ZNF394: variants seen among roughly 807,000 people sequenced by gnomAD.
ZNF394 encodes zinc finger protein 99.
In ZNF394, 19 loss-of-function variants were observed where a neutral mutation model predicts 21.8. That is an observed-to-expected ratio of 0.87 (90% CI 0.61 to 1.28). The LOEUF (loss-of-function observed/expected upper bound fraction) is 1.28, where lower values mean the gene tolerates loss of function less well. Ranked by LOEUF, ZNF394 falls within the 50% of genes most tolerant of loss-of-function variation. The probability of loss-of-function intolerance (pLI) is 0.00; values close to 1 mark genes in which losing one functional copy is unlikely to be tolerated. For synonymous variants in ZNF394, 294 were observed against 273.3 expected (o/e 1.08, Z -0.75); for missense variants, 683 against 708.6 (o/e 0.96, Z 0.41).
At chr7:99,496,035 C>T (rs904372034) in intron 2 of ZNF394, among the ~76,000 whole-genome samples, 4 of 152,222 alleles carry the variant, frequency 2.6e-5, no homozygotes, top group Non-Finnish European at 4.4e-5. Flanking sequence ...GATTCTCCTG[C>T]CTCAGCCTTC....
rs1490895011 is a variant in ZNF394 at position 99,493,688 on chromosome 7, ACT to A, written c.1525_1526del (p.Ser509CysfsTer5). ...TTCTCTGGTGTTTAATGAGGGTTGC[ACT>A]CTGATTGAAGCGTTTCCCACAGACG... ...CSVCGKRFNQ[S>X]ATLIKHQRIH... On this transcript the variant is annotated frameshift_variant, in exon 3 of 3. Transcript: ENST00000337673. LOFTEE classifies it low-confidence loss of function (END_TRUNC). 6.2e-7 allele frequency: 1 copy of A among 1,614,148 alleles called. No individual in the cohort carries two copies. Among genetic ancestry groups the A allele is most frequent in the Non-Finnish European group, 8.5e-7 (1 of 1,180,022 alleles).
downstream of ZNF394, among the ~76,000 whole-genome samples, chr7:99,492,968 G>A (rs1284464175): frequency 6.6e-6 from 1 of 152,052 alleles, no homozygotes; most frequent in Non-Finnish European, 1.5e-5. Flanking sequence ...AATACATAAA[G>A]GTAGAGCGCA....
chr7:99,494,594 T>C lies in ZNF394; in HGVS notation c.621A>G (p.Pro207=). The C allele has an allele frequency of 6.2e-7, 1 of 1,603,098 alleles. No individual in the cohort carries two copies. Among genetic ancestry groups the C allele is most frequent in the Non-Finnish European group, 8.5e-7 (1 of 1,176,692 alleles). ...CCGCTTCTTCTAAAATTTGTTGCATTGGAATCAACTCTTTGTTCTCCACTC... is the reference window on the plus strand; with the variant it reads ...CCGCTTCTTCTAAAATTTGTTGCATCGGAATCAACTCTTTGTTCTCCACTC... The part of the protein sequence containing the change: ...ESRVENKELI[P]MQQILEEAEP... Residue 207 remains proline, a synonymous_variant, in exon 3 of 3, where the codon CCA becomes CCG. Coordinates refer to ENST00000337673, the MANE Select transcript of ZNF394 (RefSeq NM_032164.4).
At chr7:99,487,400 A>G in intron 1 of ZNF394, 3 of 1,614,232 alleles carry the variant, frequency 1.9e-6, no homozygotes, top group Non-Finnish European at 2.5e-6. Flanking sequence ...AGCCAACCCT[A>G]CCAATGTGTC....
Position 99,499,703 on chromosome 7 carries a change from T to C in ZNF394, c.391A>G (p.Ser131Gly). 6.2e-7 allele frequency: 1 copy of C among 1,613,336 alleles called. No homozygotes were observed. Among genetic ancestry groups the C allele is most frequent in the Non-Finnish European group, 8.5e-7 (1 of 1,179,946 alleles). Residue 131 changes from serine to glycine, a missense_variant, in exon 1 of 3, where the codon AGC becomes GGC. Ser to Gly is a moderately conservative substitution (Grantham distance 56). Around this residue, in one of 3 missense-constraint regions of ZNF394, gnomAD observed 402 missense variants for 373.8 expected, o/e 1.08. Transcript: ENST00000337673. Reference protein sequence around the residue: ...QAWVREHCPESGEEAVAVVRA... With the variant: ...QAWVREHCPEGGEEAVAVVRA... ...ACCACGGCCACCGCCTCCTCCCCGC[T>C]CTCTGGGCAGTGCTCTCGCACCCAG...
intron 2 of ZNF394, among the ~76,000 whole-genome samples, chr7:99,496,741 A>C (rs897356096): frequency 6.8e-6 from 1 of 146,214 alleles, no homozygotes; most frequent in African/African-American, 2.5e-5. Context: ...TTTTTTATTA[A>C]TTTTTTTTTT....
intron 1 of ZNF394, 148 bp from the exon 2 acceptor site, chr7:99,498,990 C>A: frequency 8.6e-7 from 1 of 1,161,904 alleles, no homozygotes; most frequent in Non-Finnish European, 1.2e-6. Flanking sequence ...TTTCTGTGGA[C>A]TATTTACACT....
chr7:99,497,120 G>GTATATATATATATA (rs1479965665), intron 2 of ZNF394, among the ~76,000 whole-genome samples: 40 of 91,344 alleles, frequency 4.4e-4, no homozygotes, highest in African/African-American at 1.6e-3. Context: ...GTGTGTGTGT[G>GTATATATATATATA]TGTATATATA....
Position 99,499,895 on chromosome 7 carries a change from A to G in ZNF394, c.199T>C (p.Phe67Leu). The G allele has an allele frequency of 1.2e-6, 2 of 1,614,140 alleles. No homozygotes were observed. ...SPDPETSRLH[F>L]RQLRYQEVAG... ...ACCTCCTGGTAACGCAGCTGCCTAA[A>G]GTGCAGTCGAGAAGTTTCGGGGTCC... The change falls in exon 1 of 3, where the codon TTT becomes CTT. Residue 67 changes from phenylalanine (F) to leucine (L), a missense_variant. Transcript: ENST00000337673.
At chr7:99,488,145 C>T (rs1218551930) in intron 1 of ZNF394, among the ~76,000 whole-genome samples, 1 of 151,588 alleles carries the variant, frequency 6.6e-6, no homozygotes, top group African/African-American at 2.4e-5. Flanking sequence ...CCCTCTATGC[C>T]CTCATTCCCT....
In ZNF394 at chr7:99,494,896, A is replaced by T. The variant is rs140305437; in HGVS notation, c.584-265T>A. ...ATTACAAGTGCACGCCACCACACCC[A>T]GCTAATTTTTGTATTTTTATTAGAG... On this transcript the variant is annotated intron_variant, in intron 2 of 2. Transcript: ENST00000337673. Among the ~76,000 whole-genome samples the T allele has an allele frequency of 2.6e-3, 400 of 150,990 alleles. 1 individual carries two copies. The highest frequency in any genetic ancestry group is 9.4e-3 in the African/African-American group (386 of 41,060).
At chr7:99,494,989 T>A (rs1800262043) in intron 2 of ZNF394, among the ~76,000 whole-genome samples, 1 of 152,046 alleles carries the variant, frequency 6.6e-6, no homozygotes, top group Non-Finnish European at 1.5e-5. Context: ...CGCCTCAGCC[T>A]CCCTATTTAT....
chr7:99,500,252 T>C lies in ZNF394; in HGVS notation c.-159A>G, dbSNP rs1800482938. 2 of 642,210 alleles carry C rather than the reference T, an allele frequency of 3.1e-6. No homozygotes were observed. Among genetic ancestry groups the C allele is most frequent in the Non-Finnish European group, 4.9e-6 (2 of 407,214 alleles). 39.8% of individuals were successfully genotyped at this position (642,210 alleles called of 1,614,324 possible). A position where few individuals can be genotyped will look rare whatever the true frequency, so the allele number is the denominator to read the frequency against. ...ACTCTCCTTTCCTCAGCTTTGCGCC[T>C]ACAACTCTCTCGGTCAAACAACCGA... On this transcript the variant is annotated 5_prime_UTR_variant, in exon 1 of 3. Coordinates refer to ENST00000337673, the MANE Select transcript of ZNF394 (RefSeq NM_032164.4).
chr7:99,496,573 T>G (rs181748776), intron 2 of ZNF394, among the ~76,000 whole-genome samples: 140 of 151,568 alleles, frequency 9.2e-4, no homozygotes, highest in African/African-American at 3.1e-3. Context: ...GCATCAGAGG[T>G]CCGGCTAATT....
In ZNF394 at chr7:99,500,103, G is replaced by A. The variant is rs745389817; in HGVS notation, c.-10C>T. On this transcript the variant is annotated 5_prime_UTR_variant, in exon 1 of 3. Coordinates refer to ENST00000337673, the MANE Select transcript of ZNF394 (RefSeq NM_032164.4). Reference sequence around the variant, plus strand: ...TCAAGCTGGAATTCATCTTTCTCCGGCATGTGCTGCCCTTCCTGGAGTCTT... The same window carrying A: ...TCAAGCTGGAATTCATCTTTCTCCGACATGTGCTGCCCTTCCTGGAGTCTT... 6 of 1,534,540 alleles carry A rather than the reference G, an allele frequency of 3.9e-6. No individual in the cohort carries two copies. In the African/African-American group the frequency reaches 5.5e-5, roughly 14 times the overall value.
chr7:99,489,175 C>T (rs886889258), downstream of ZNF394, among the ~76,000 whole-genome samples: 2 of 148,280 alleles, frequency 1.3e-5, no homozygotes, highest in African/African-American at 5.0e-5. Flanking sequence ...TCCCAGCTAC[C>T]CAGGAGGCTG....
At chr7:99,490,206 G>C (rs891756168), downstream of ZNF394, among the ~76,000 whole-genome samples, 1 of 142,900 alleles carries the variant, frequency 7.0e-6, no homozygotes, top group African/African-American at 2.7e-5. Context: ...CCAGGCTGGA[G>C]TGCAGCGGTG....
In ZNF394 at chr7:99,487,929, G is replaced by A. The variant is rs142982072; in HGVS notation, n.84-966C>T. ...CCACTAAAAAATCAAAAAATTAGCC[G>A]GGTGTGGTGGCAGGCGCCTGTAGTC... is the stretch of plus-strand genomic sequence containing the variant. On this transcript the variant is annotated intron_variant and non_coding_transcript_variant, in intron 1 of 1. Coordinates refer to the ZNF394 transcript ENST00000462024. Among the ~76,000 whole-genome samples the A allele has an allele frequency of 2.6e-3, 388 of 152,150 alleles. 2 individuals are homozygous for A. The highest frequency in any genetic ancestry group is 7.1e-3 in the African/African-American group (296 of 41,516).
chr7:99,495,418 G>A (rs1224123714), intron 2 of ZNF394, among the ~76,000 whole-genome samples: 1 of 151,884 alleles, frequency 6.6e-6, no homozygotes, highest in Non-Finnish European at 1.5e-5. Flanking sequence ...TGCCTCCCAG[G>A]TTCAAGTGAT....
Sources: allele counts gnomAD v4.1 joint callset (sites outside exome capture counted in the v4.1 genomes callset), GRCh38; gene constraint gnomAD v4.1.1; regional missense constraint gnomAD v4.1.1; transcripts MANE v1.5; gene names NCBI Gene and HGNC (gene_info 2026-07-23, HGNC 2026-07-21).